Variants in DENND2B observed in about 807,000 individuals in gnomAD.
DENND2B encodes the protein DENN domain-containing protein 2B.
Under a neutral mutation model 116.0 loss-of-function variants are expected in DENND2B, and 32 were observed. The ratio of observed to expected loss-of-function variants is 0.28; its 90% confidence interval spans 0.21 to 0.37. The LOEUF (loss-of-function observed/expected upper bound fraction) is 0.37. Ranked by LOEUF, DENND2B falls within the 10% of genes least tolerant of loss-of-function variation. The pLI is 1.00. For synonymous variants in DENND2B, 588 were observed against 583.9 expected, an observed-to-expected ratio of 1.01 and a Z score of -0.10; for missense variants, 1,276 against 1,477.7, an observed-to-expected ratio of 0.86 and a Z score of 2.24.
intron 5 of DENND2B, among the ~76,000 whole-genome samples, chr11:8,716,752 A>G (rs887426076): frequency 2.0e-5 from 3 of 151,876 alleles, no homozygotes; most frequent in Non-Finnish European, 2.9e-5. Flanking sequence ...AGTTCAAGCA[A>G]TTATCCTGCC....
Position 8,723,002 on chromosome 11 carries a change from AT to A in DENND2B, c.1477+3070del, listed in dbSNP as rs1188539911. Among the ~76,000 whole-genome samples, 13 of 151,904 alleles carry A rather than the reference AT, an allele frequency of 8.6e-5. No homozygotes were observed. In the South Asian group the frequency reaches 1.9e-3, roughly 22 times the overall value. On this transcript the variant is annotated intron_variant, in intron 4 of 19. Transcript: ENST00000313726. ...CAAGAGGCAGCCAAGGTGCTCCCAT[AT>A]TTTTTTTAACTCCTCATGCAACACC...
chr11:8,853,865 T>G (rs2063098539), intron 3 of DENND2B, among the ~76,000 whole-genome samples: 1 of 151,960 alleles, frequency 6.6e-6, no homozygotes, highest in South Asian at 2.1e-4. Flanking sequence ...TTTTTTTTTT[T>G]AGAGACAAGG....
intron 1 of DENND2B, among the ~76,000 whole-genome samples, chr11:8,792,918 G>C (rs1229932550): frequency 6.6e-6 from 1 of 152,164 alleles, no homozygotes; most frequent in Admixed American, 6.6e-5. Flanking sequence ...TTTCCTTCTA[G>C]GAATTCTGCC....
intron 3 of DENND2B, among the ~76,000 whole-genome samples, chr11:8,850,271 A>G (rs2062960259): frequency 6.6e-6 from 1 of 152,242 alleles, no homozygotes; most frequent in Admixed American, 6.5e-5. Context: ...AAAAGTTGGT[A>G]AAATGCATTA....
chr11:8,875,277 C>G (rs1299319695), upstream of DENND2B, among the ~76,000 whole-genome samples: 1 of 145,742 alleles, frequency 6.9e-6, no homozygotes, highest in African/African-American at 2.5e-5. Flanking sequence ...GAGCCCAGAT[C>G]GCGCCACTGC....
chr11:8,823,745 A>T (rs1256326736), intron 4 of DENND2B, among the ~76,000 whole-genome samples: 1 of 152,202 alleles, frequency 6.6e-6, no homozygotes, highest in African/African-American at 2.4e-5. Context: ...TCTTTCTCAT[A>T]TAAATTACCC....
chr11:8,698,741 T>C (rs546501991), intron 16 of DENND2B, among the ~76,000 whole-genome samples, 192 bp downstream of exon 16: 2 of 152,276 alleles, frequency 1.3e-5, no homozygotes, highest in East Asian at 1.9e-4. Flanking sequence ...TAGAAGCTCA[T>C]GATGTCACTG....
At chr11:8,856,861 C>T (rs1317407535) in intron 3 of DENND2B, among the ~76,000 whole-genome samples, 2 of 151,978 alleles carry the variant, frequency 1.3e-5, no homozygotes, top group Non-Finnish European at 2.9e-5. Context: ...TCAAGCAATC[C>T]TCCCACCTCA....
chr11:8,853,836 G>A (rs2063096701), intron 3 of DENND2B, among the ~76,000 whole-genome samples: 1 of 151,600 alleles, frequency 6.6e-6, no homozygotes, highest in Admixed American at 6.6e-5. Context: ...GTACTGCAAA[G>A]CAAACACTAT....
Position 8,707,208 on chromosome 11 carries a change from C to T in DENND2B, c.2448G>A (p.Glu816=). 1 of 1,612,914 alleles carries T rather than the reference C, an allele frequency of 6.2e-7. No individual in the cohort carries two copies. The highest frequency in any genetic ancestry group is 8.5e-7 in the Non-Finnish European group (1 of 1,179,296). Reference sequence around the variant, plus strand: ...ATGCAGCGGAGATCCCACGCCGGCGCTCCACCTCATCTAGGACCTGTGCCC... The same window carrying T: ...ATGCAGCGGAGATCCCACGCCGGCGTTCCACCTCATCTAGGACCTGTGCCC... The part of the protein sequence containing the change: ...GLFSKVLDEV[E]RRRGISAALV... The change falls in exon 13 of 20, where the codon GAG becomes GAA. Residue 816 remains glutamate (E), a synonymous_variant. Coordinates refer to ENST00000313726, the MANE Select transcript of DENND2B (RefSeq NM_213618.2). The surrounding 1 kb of genome is among the most constrained non-coding windows in gnomAD (Gnocchi z 4.8).
intron 18 of DENND2B, 92 bp downstream of exon 18, chr11:8,696,335 C>G: frequency 6.5e-7 from 1 of 1,544,468 alleles, no homozygotes; most frequent in South Asian, 1.3e-5. Flanking sequence ...CTGGCCCTAG[C>G]TGATGTCCAA....
chr11:8,899,177 A>G (rs2064135927), intron 1 of DENND2B, among the ~76,000 whole-genome samples: 1 of 152,110 alleles, frequency 6.6e-6, no homozygotes, highest in Admixed American at 6.5e-5. Flanking sequence ...AAAGAAAAGA[A>G]AAAGAATGAA....
rs895652996 is a variant in DENND2B at position 8,729,781 on chromosome 11, A to T, written c.1340+169T>A. ...TCATGTCCAAGTATCTTGTAAGAGC[A>T]GAACAATCTCATTTTTCACTACCAC... On this transcript the variant is annotated intron_variant, in intron 3 of 19. Transcript: ENST00000313726. Among the ~76,000 whole-genome samples, 165 of 152,354 alleles carry T rather than the reference A, an allele frequency of 1.1e-3. 1 individual carries two copies. Among genetic ancestry groups the T allele is most frequent in the African/African-American group, 3.8e-3 (156 of 41,584 alleles).
chr11:8,699,949 AG>A, intron 14 of DENND2B: 1 of 456,322 alleles, frequency 2.2e-6, no homozygotes, highest in South Asian at 1.5e-5. Flanking sequence ...ATACCCGGCC[AG>A]GCCAAGAACA....
chr11:8,872,441 C>A (rs964367471), upstream of DENND2B, among the ~76,000 whole-genome samples: 1 of 148,012 alleles, frequency 6.8e-6, no homozygotes, highest in East Asian at 2.0e-4. Flanking sequence ...AAGCCAAGAT[C>A]GCACCACTGC....
intron 3 of DENND2B, among the ~76,000 whole-genome samples, chr11:8,729,515 T>C (rs2047719808): frequency 6.6e-6 from 1 of 152,202 alleles, no homozygotes; most frequent in South Asian, 2.1e-4. Context: ...AATGATAAAA[T>C]GCAGTATTCA....
intron 1 of DENND2B, among the ~76,000 whole-genome samples, chr11:8,782,958 C>T (rs193037651): frequency 6.6e-6 from 1 of 150,868 alleles, no homozygotes; most frequent in Non-Finnish European, 1.5e-5. Flanking sequence ...CCAGTAATTC[C>T]ATTTTTAGAA....
chr11:8,718,313 G>A (rs931582740), intron 4 of DENND2B: 265 of 1,490,966 alleles, frequency 1.8e-4, no homozygotes, highest in Non-Finnish European at 2.2e-4. Flanking sequence ...CAGGTCACAT[G>A]GCTGTCCCTT....
chr11:8,804,155 C>T (rs1033852832), intron 1 of DENND2B, among the ~76,000 whole-genome samples: 1 of 152,318 alleles, frequency 6.6e-6, no homozygotes, highest in South Asian at 2.1e-4. Context: ...CCAGTGTGGG[C>T]GGCTGCCGTG....
Sources: allele counts gnomAD v4.1 joint callset (sites outside exome capture counted in the v4.1 genomes callset), GRCh38; gene constraint gnomAD v4.1.1; non-coding constraint Gnocchi (gnomAD v3.1); transcripts MANE v1.5; gene names NCBI Gene and HGNC (gene_info 2026-07-23, HGNC 2026-07-21).